The following KLF7 variants were observed in gnomAD, a reference collection of about 807,000 sequenced individuals.
KLF7 encodes Krueppel-like factor 7.
In KLF7, 2 loss-of-function variants were observed where a neutral mutation model predicts 27.3. That is an observed-to-expected ratio of 0.07 (90% CI 0.03 to 0.23). The LOEUF is 0.23. KLF7 is among the 10% of genes least tolerant of loss of function. KLF7 has a pLI of 1.00. For synonymous variants in KLF7, 165 were observed against 162.4 expected, an observed-to-expected ratio of 1.02 and a Z score of -0.12; for missense variants, 221 against 394.1, an observed-to-expected ratio of 0.56 and a Z score of 3.72.
chr2:207,132,443 C>T (rs1433862045), intron 1 of KLF7, among the ~76,000 whole-genome samples: 2 of 152,168 alleles, frequency 1.3e-5, no homozygotes, highest in African/African-American at 4.8e-5. Context: ...AAATTTCTAT[C>T]AAAACCTCTT....
chr2:207,108,044 A>G (rs1054427764), intron 2 of KLF7, among the ~76,000 whole-genome samples: 11 of 152,230 alleles, frequency 7.2e-5, no homozygotes, highest in African/African-American at 2.7e-4. Flanking sequence ...TTGATCCCAC[A>G]AGCTTTGTAC....
At chr2:207,099,885 T>C (rs1574448683) in intron 2 of KLF7, among the ~76,000 whole-genome samples, 3 of 152,110 alleles carry the variant, frequency 2.0e-5, no homozygotes, top group Non-Finnish European at 4.4e-5. Flanking sequence ...ATCCCAGCAC[T>C]TTGGGAGGCC....
intron 3 of KLF7, among the ~76,000 whole-genome samples, chr2:207,081,635 A>G (rs1346435126): frequency 1.3e-5 from 2 of 152,182 alleles, no homozygotes; most frequent in Admixed American, 6.5e-5. Flanking sequence ...TGTTATGATC[A>G]TAATTGTGAT....
At chr2:207,099,391 C>A (rs1018724959) in intron 2 of KLF7, among the ~76,000 whole-genome samples, 5 of 151,638 alleles carry the variant, frequency 3.3e-5, no homozygotes, top group Non-Finnish European at 5.9e-5. Context: ...GATCAGGGAC[C>A]CATGGTGGTC....
rs1574483848 is a variant in KLF7 at position 207,115,280 on chromosome 2, C to T, written c.733+8494G>A. Among the ~76,000 whole-genome samples, 4 of 152,166 alleles carry T rather than the reference C, an allele frequency of 2.6e-5. No homozygotes were observed. In the South Asian group the frequency reaches 8.3e-4, roughly 32 times the overall value. On this transcript the variant is annotated intron_variant, in intron 2 of 3. Coordinates refer to ENST00000309446, the MANE Select transcript of KLF7 (RefSeq NM_003709.4). ...AATGGGGCATTCTGATCTTTCCTCC[C>T]CTACAAGATTATGGGGTCCAATCCC...
At chr2:207,172,715 T>G in the KLF7 span, among the ~76,000 whole-genome samples, 215 of 152,336 alleles carry the variant, frequency 1.4e-3, no homozygotes, top group African/African-American at 5.1e-3. Context: ...GAATCAGCAA[T>G]ATAGTCACCC....
intron 2 of KLF7, among the ~76,000 whole-genome samples, chr2:207,108,458 A>C (rs1056012016): frequency 6.6e-6 from 1 of 152,216 alleles, no homozygotes; most frequent in Non-Finnish European, 1.5e-5. Flanking sequence ...ATATCTACAG[A>C]CAAACAATCC....
At chr2:207,107,908 G>C (rs1264991979) in intron 2 of KLF7, among the ~76,000 whole-genome samples, 1 of 152,246 alleles carries the variant, frequency 6.6e-6, no homozygotes, top group African/African-American at 2.4e-5. Flanking sequence ...TTTGCACAAC[G>C]TGATTGTGTT....
At chr2:207,083,096 T>C (rs2076312402) in intron 3 of KLF7, among the ~76,000 whole-genome samples, 1 of 152,224 alleles carries the variant, frequency 6.6e-6, no homozygotes, top group Non-Finnish European at 1.5e-5. Flanking sequence ...GATATTTAGA[T>C]AATCCCTTAG....
chr2:207,083,720 T>A (rs1386791360), intron 3 of KLF7, among the ~76,000 whole-genome samples: 1 of 152,204 alleles, frequency 6.6e-6, no homozygotes, highest in Non-Finnish European at 1.5e-5. Context: ...AACTTATGAA[T>A]CAGCTGACAT....
intron 2 of KLF7, among the ~76,000 whole-genome samples, chr2:207,091,335 A>G (rs971960581): frequency 5.9e-5 from 9 of 152,180 alleles, no homozygotes; most frequent in Admixed American, 2.0e-4. Flanking sequence ...CCAACCCAGG[A>G]GCTATTTCAG....
chr2:207,136,675 T>G (rs1248229361), intron 1 of KLF7, among the ~76,000 whole-genome samples: 1 of 152,162 alleles, frequency 6.6e-6, no homozygotes, highest in African/African-American at 2.4e-5. Context: ...GAACAGGGAT[T>G]TAGTGTATGT....
upstream of KLF7, chr2:207,166,999 CG>C (rs2078735507): frequency 2.4e-6 from 2 of 825,656 alleles, no homozygotes; most frequent in South Asian, 9.5e-5. Flanking sequence ...GAGACCTGGT[CG>C]GGAGTCCGGC....
At chr2:207,164,292 G>A (rs1416320889) in intron 1 of KLF7, among the ~76,000 whole-genome samples, 2 of 152,128 alleles carry the variant, frequency 1.3e-5, no homozygotes, top group Non-Finnish European at 2.9e-5. Context: ...GAAATTACAC[G>A]AGCAGCCACA....
intron 1 of KLF7, among the ~76,000 whole-genome samples, chr2:207,144,417 T>C (rs867252196): frequency 6.6e-5 from 10 of 152,220 alleles, no homozygotes; most frequent in East Asian, 1.9e-4. Context: ...TGAACACTTA[T>C]ACATTTTTTC....
intron 1 of KLF7, among the ~76,000 whole-genome samples, chr2:207,159,121 T>A (rs192466143): frequency 6.6e-6 from 1 of 152,320 alleles, no homozygotes; most frequent in African/African-American, 2.4e-5. Context: ...AAAATGACCC[T>A]CAGGAAATGT....
Position 207,152,272 on chromosome 2 carries a change from TACAC to T in KLF7, c.102+13191_102+13194del, listed in dbSNP as rs67380335. 1.7e-4 allele frequency among the ~76,000 whole-genome samples: 26 copies of T among 150,580 alleles called. 1 individual carries two copies. Among genetic ancestry groups the T allele is most frequent in the African/African-American group, 6.1e-4 (25 of 40,690 alleles). On this transcript the variant is annotated intron_variant, in intron 1 of 3. Transcript: ENST00000309446. ...CTAAGAACTGGTTACATGTTTTTCT[TACAC>T]ACACACACACACACACACACACACA... is the stretch of plus-strand genomic sequence containing the variant.
intron 1 of KLF7, among the ~76,000 whole-genome samples, chr2:207,126,984 T>C (rs534091823): frequency 2.0e-5 from 3 of 152,248 alleles, no homozygotes; most frequent in East Asian, 1.9e-4. Context: ...CACTAAGATA[T>C]TGTGATTATT....
At chr2:207,083,217 G>C (rs2076315096) in intron 3 of KLF7, among the ~76,000 whole-genome samples, 1 of 152,128 alleles carries the variant, frequency 6.6e-6, no homozygotes, top group African/African-American at 2.4e-5. Flanking sequence ...AGCCCGCAGG[G>C]AATTTAGCGT....
Sources: allele counts gnomAD v4.1 joint callset (sites outside exome capture counted in the v4.1 genomes callset), GRCh38; gene constraint gnomAD v4.1.1; transcripts MANE v1.5; gene names NCBI Gene and HGNC (gene_info 2026-07-23, HGNC 2026-07-21).